The following ARHGAP22 variants were observed in gnomAD, a reference collection of about 807,000 sequenced individuals.
ARHGAP22 encodes Rho GTPase activating protein 22, also known as rho GTPase-activating protein 22.
In ARHGAP22, 48 loss-of-function variants were observed where a neutral mutation model predicts 59.1. The observed-to-expected ratio is 0.81, with a 90% CI of 0.64 to 1.03. The LOEUF is 1.03. ARHGAP22 is among the 50% of genes least tolerant of loss of function. The pLI is 0.00. For synonymous variants in ARHGAP22, 445 were observed against 416.4 expected (o/e 1.07, Z -0.84); for missense variants, 1,015 against 958.7 (o/e 1.06, Z -0.78).
chr10:48,464,743 CT>C (rs2047485931), intron 4 of ARHGAP22, among the ~76,000 whole-genome samples: 1 of 152,148 alleles, frequency 6.6e-6, no homozygotes, highest in South Asian at 2.1e-4. Flanking sequence ...AGCTGCCTCC[CT>C]TTCCTGGGGC....
chr10:48,584,581 G>A (rs1008886422), intron 1 of ARHGAP22, among the ~76,000 whole-genome samples: 6 of 152,202 alleles, frequency 3.9e-5, no homozygotes, highest in East Asian at 1.9e-4. Flanking sequence ...TTCTACATGC[G>A]TGTCCTCGTT....
At chr10:48,541,378 G>A (rs1050997159) in intron 3 of ARHGAP22, among the ~76,000 whole-genome samples, 2 of 152,140 alleles carry the variant, frequency 1.3e-5, no homozygotes, top group African/African-American at 2.4e-5. Flanking sequence ...CTCCTCCTGC[G>A]CATCACCCCT....
the ARHGAP22 span, chr10:48,435,135 A>G: frequency 4.4e-5 from 39 of 877,460 alleles, no homozygotes; most frequent in South Asian, 8.9e-4. Flanking sequence ...TTTTTCAAAA[A>G]ATGTAGAATT....
intron 3 of ARHGAP22, among the ~76,000 whole-genome samples, chr10:48,555,122 G>C (rs755002714): frequency 1.3e-5 from 2 of 152,102 alleles, no homozygotes; most frequent in Non-Finnish European, 2.9e-5. Flanking sequence ...AAATATTCTT[G>C]ATCTGTGCTA....
chr10:48,463,562 G>A (rs1310001890), intron 4 of ARHGAP22, among the ~76,000 whole-genome samples: 3 of 152,132 alleles, frequency 2.0e-5, no homozygotes, highest in Non-Finnish European at 4.4e-5. Context: ...GCATGAATCC[G>A]TCTGCCTTCA....
chr10:48,539,436 C>T (rs1275059149), intron 3 of ARHGAP22, among the ~76,000 whole-genome samples: 7 of 149,688 alleles, frequency 4.7e-5, no homozygotes, highest in East Asian at 2.0e-4. Context: ...GGACTACAGG[C>T]GCCCGCCACT....
chr10:48,462,269 T>C (rs1589509998), intron 4 of ARHGAP22, among the ~76,000 whole-genome samples: 2 of 141,628 alleles, frequency 1.4e-5, no homozygotes, highest in African/African-American at 2.7e-5. Context: ...CACCTGAGTG[T>C]GAGGAGAGTG....
intron 2 of ARHGAP22, among the ~76,000 whole-genome samples, chr10:48,565,246 C>G (rs2057974848): frequency 6.6e-6 from 1 of 152,142 alleles, no homozygotes; most frequent in Non-Finnish European, 1.5e-5. Context: ...AGTGGCATCT[C>G]CCTCACAGAT....
In ARHGAP22 at chr10:48,479,572, C is replaced by A. The variant is rs1554864738; in HGVS notation, c.451+64G>T. 2.5e-6 allele frequency: 4 copies of A among 1,612,300 alleles called. No individual in the cohort carries two copies. The Admixed American group carries it at 6.7e-5, about 27-fold the overall frequency. ...CAGGGTCTTTGGGGCTCAGGACAGG[C>A]AGGGGGCATGATTACCTGGAGGCAA... On this transcript the variant is annotated intron_variant, in intron 4 of 9. Transcript: ENST00000249601.
At chr10:48,526,866 C>A (rs1015947894) in intron 3 of ARHGAP22, among the ~76,000 whole-genome samples, 1 of 152,332 alleles carries the variant, frequency 6.6e-6, no homozygotes, top group African/African-American at 2.4e-5. Context: ...GTTCAGCAGA[C>A]AAATAGGAAG....
chr10:48,443,905 CAT>C (rs746770393), downstream of ARHGAP22: 8 of 152,282 alleles, frequency 5.3e-5, no homozygotes, highest in Non-Finnish European at 8.8e-5. Flanking sequence ...CTTTAAAGAA[CAT>C]GTGCATTCAT....
chr10:48,617,511 A>G (rs1167252442), intron 1 of ARHGAP22, among the ~76,000 whole-genome samples: 2 of 152,010 alleles, frequency 1.3e-5, no homozygotes, highest in Non-Finnish European at 1.5e-5. Context: ...ATCTTTTCTG[A>G]TCACATCAGA....
At chr10:48,568,593 G>A (rs368817884) in intron 2 of ARHGAP22, among the ~76,000 whole-genome samples, 3 of 152,212 alleles carry the variant, frequency 2.0e-5, no homozygotes, top group Non-Finnish European at 2.9e-5. Context: ...GGGAGTGACC[G>A]CCCACTTTTT....
At chr10:48,559,007 A>G (rs545555591) in intron 2 of ARHGAP22, among the ~76,000 whole-genome samples, 1 of 152,346 alleles carries the variant, frequency 6.6e-6, no homozygotes, top group South Asian at 2.1e-4. Flanking sequence ...TTTTGCCAAG[A>G]TTCTGTGCTT....
At position 48,510,252 on chromosome 10, in the gene ARHGAP22, G is replaced by C. The variant is rs1017532658; in HGVS notation, c.323-30488C>G. ...CCCCCATAAAACAGTTCTGTGCTAT[G>C]GCTGAAAAACACAGCAGGCATAGAA... On this transcript the variant is annotated intron_variant, in intron 3 of 9. Transcript: ENST00000249601. 2.0e-5 allele frequency among the ~76,000 whole-genome samples: 3 copies of C among 152,174 alleles called. No homozygotes were observed. In the South Asian group the frequency reaches 6.2e-4, roughly 32 times the overall value.
chr10:48,475,979 C>G (rs1258928125), intron 4 of ARHGAP22, among the ~76,000 whole-genome samples: 2 of 152,190 alleles, frequency 1.3e-5, no homozygotes, highest in Non-Finnish European at 2.9e-5. Flanking sequence ...TGTTATCCAC[C>G]CTTTCTTTCC....
chr10:48,645,169 C>T (rs951496039), intron 1 of ARHGAP22, among the ~76,000 whole-genome samples: 1 of 152,138 alleles, frequency 6.6e-6, no homozygotes, highest in Non-Finnish European at 1.5e-5. Flanking sequence ...TATACATGCA[C>T]GTGCCCCCAC....
chr10:48,532,722 T>C (rs1170225489), intron 3 of ARHGAP22: 1 of 150,070 alleles, frequency 6.7e-6, no homozygotes, highest in Admixed American at 6.8e-5. Context: ...CACCTATGAG[T>C]GAGAACATGC....
intron 2 of ARHGAP22, among the ~76,000 whole-genome samples, chr10:48,566,714 G>A (rs533360544): frequency 5.3e-4 from 81 of 152,316 alleles, no homozygotes; most frequent in African/African-American, 1.9e-3. Flanking sequence ...GCTATCCATG[G>A]TCCTCTTAGA....
Sources: gnomAD v4.1 joint callset for allele counts (sites outside exome capture counted in the v4.1 genomes callset) on GRCh38, gnomAD v4.1.1 for gene constraint, MANE v1.5 for transcripts, NCBI Gene and HGNC (gene_info 2026-07-23, HGNC 2026-07-21) for gene names.